Variants in STIM1 observed in about 807,000 individuals in gnomAD.
The protein encoded by STIM1 is stromal interaction molecule 1.
A neutral mutation model predicts 74.7 loss-of-function variants in STIM1; 25 were observed. That is an observed-to-expected ratio of 0.33 (90% confidence interval 0.24 to 0.47). The LOEUF is 0.47. Ranked by LOEUF, STIM1 falls within the 20% of genes least tolerant of loss-of-function variation. The pLI is 1.00. For synonymous variants in STIM1, 328 were observed against 348.8 expected (o/e 0.94, Z 0.66); for missense variants, 728 against 920.8 (o/e 0.79, Z 2.71).
intron 1 of STIM1, among the ~76,000 whole-genome samples, chr11:3,877,025 G>T (rs966657493): frequency 4.6e-5 from 7 of 152,094 alleles, no homozygotes; most frequent in African/African-American, 1.7e-4. Context: ...ATAGGACTAG[G>T]ATTAGCTGGT....
chr11:4,043,010 T>A (rs1471743718), intron 3 of STIM1, among the ~76,000 whole-genome samples: 3 of 152,116 alleles, frequency 2.0e-5, no homozygotes, highest in African/African-American at 7.2e-5. Flanking sequence ...AATAAATGCT[T>A]GTTGAATAGC....
chr11:4,066,023 A>G (rs921342509), intron 5 of STIM1, among the ~76,000 whole-genome samples: 3 of 152,134 alleles, frequency 2.0e-5, no homozygotes, highest in Non-Finnish European at 2.9e-5. Flanking sequence ...ATTACCCCTG[A>G]CTTTGTTAAC....
chr11:3,986,166 A>T (rs189612690), intron 2 of STIM1, among the ~76,000 whole-genome samples: 1 of 152,344 alleles, frequency 6.6e-6, no homozygotes, highest in East Asian at 1.9e-4. Context: ...GGCAAAAAAA[A>T]ATACATATTC....
chr11:3,916,111 A>G (rs1290387007), intron 1 of STIM1, among the ~76,000 whole-genome samples: 1 of 152,178 alleles, frequency 6.6e-6, no homozygotes, highest in Non-Finnish European at 1.5e-5. Context: ...TTTCAAAGCC[A>G]AGGTTATGAA....
chr11:3,895,608 C>T (rs1387332113), intron 1 of STIM1, among the ~76,000 whole-genome samples: 11 of 53,122 alleles, frequency 2.1e-4, no homozygotes, highest in Admixed American at 1.3e-3. Flanking sequence ...TTCTTTCTCT[C>T]TCTTTCTTTC....
intron 5 of STIM1, 109 bp downstream of exon 5, chr11:4,059,505 G>A: frequency 1.2e-6 from 1 of 816,076 alleles, no homozygotes. Flanking sequence ...CTGCAAGATA[G>A]CACCTATACT....
intron 1 of STIM1, among the ~76,000 whole-genome samples, chr11:3,876,266 A>C (rs757095690): frequency 2.0e-5 from 3 of 152,212 alleles, no homozygotes; most frequent in Non-Finnish European, 4.4e-5. Context: ...GGCTAGACCT[A>C]GGTAGGAAGA....
intron 2 of STIM1, among the ~76,000 whole-genome samples, chr11:4,001,864 T>G (rs1355758925): frequency 1.4e-5 from 2 of 138,738 alleles, no homozygotes; most frequent in East Asian, 4.1e-4. Flanking sequence ...GAGACACACA[T>G]AGGCTCAAAA....
chr11:3,875,079 C>G (rs2091264776), intron 1 of STIM1, among the ~76,000 whole-genome samples: 1 of 151,808 alleles, frequency 6.6e-6, no homozygotes, highest in Admixed American at 6.6e-5. Flanking sequence ...GCTCCCTGGA[C>G]TGGAGTGATA....
At chr11:3,963,040 A>G (rs2093304320) in intron 1 of STIM1, among the ~76,000 whole-genome samples, 2 of 152,214 alleles carry the variant, frequency 1.3e-5, no homozygotes, top group South Asian at 4.1e-4. Flanking sequence ...GCAGTTTGCA[A>G]AAGTTTTATG....
At chr11:4,043,219 C>G (rs1376035336) in intron 3 of STIM1, among the ~76,000 whole-genome samples, 4 of 152,028 alleles carry the variant, frequency 2.6e-5, no homozygotes, top group Non-Finnish European at 5.9e-5. Flanking sequence ...GTTTTTGTAG[C>G]TACCTCAGAA....
intron 5 of STIM1, among the ~76,000 whole-genome samples, chr11:4,064,820 A>G (rs1018638629): frequency 4.6e-5 from 7 of 152,164 alleles, no homozygotes; most frequent in Non-Finnish European, 1.0e-4. Flanking sequence ...TTTTCACTCT[A>G]CAGAGTTGGC....
chr11:3,855,571 C>G (rs1355476281), upstream of STIM1: 2 of 139,446 alleles, frequency 1.4e-5, no homozygotes, highest in African/African-American at 5.1e-5. Context: ...GGGGCTGGCC[C>G]GGGCTTCGCT....
chr11:3,905,014 G>T (rs1356405615), intron 1 of STIM1, among the ~76,000 whole-genome samples: 1 of 152,138 alleles, frequency 6.6e-6, no homozygotes, highest in East Asian at 1.9e-4. Context: ...GAGGAACTCT[G>T]ATATGTGTGG....
Position 4,092,115 on chromosome 11 carries a change from C to A in STIM1, c.*317C>A. On this transcript the variant is annotated 3_prime_UTR_variant, in exon 13 of 13. Coordinates refer to ENST00000526596, the MANE Select transcript of STIM1 (RefSeq NM_001382567.1). ...CACCTCTGGGGTTCAGCTTCTGTCTCTGCTGTCCCAGTTTTGAGGTTTGGT... is the reference window on the plus strand; with the variant it reads ...CACCTCTGGGGTTCAGCTTCTGTCTATGCTGTCCCAGTTTTGAGGTTTGGT... 1 of 435,096 alleles carries A rather than the reference C, an allele frequency of 2.3e-6. No individual in the cohort carries two copies. The highest frequency in any genetic ancestry group is 4.5e-5 in the East Asian group (1 of 21,994). 27.0% of individuals were successfully genotyped at this position (435,096 alleles called of 1,614,324 possible).
chr11:3,983,370 A>G (rs143338899), intron 2 of STIM1, among the ~76,000 whole-genome samples: 2 of 152,354 alleles, frequency 1.3e-5, no homozygotes, highest in African/African-American at 4.8e-5. Flanking sequence ...GGGGAGGTAT[A>G]GATGACTTTT....
At chr11:3,940,485 T>A (rs1168712814) in intron 1 of STIM1, among the ~76,000 whole-genome samples, 1 of 152,176 alleles carries the variant, frequency 6.6e-6, no homozygotes, top group Admixed American at 6.5e-5. Context: ...TCTGAACTAC[T>A]TTTTCCTTTT....
intron 2 of STIM1, among the ~76,000 whole-genome samples, chr11:3,972,478 C>T (rs537926401): frequency 6.6e-6 from 1 of 152,072 alleles, no homozygotes; most frequent in African/African-American, 2.4e-5. Flanking sequence ...TTTATAGACA[C>T]ATTTATTCAG....
intron 2 of STIM1, among the ~76,000 whole-genome samples, chr11:4,006,333 T>G (rs534256103): frequency 6.6e-6 from 1 of 152,226 alleles, no homozygotes; most frequent in Non-Finnish European, 1.5e-5. Context: ...GCTGCTATGC[T>G]TCCTGTACAG....
Sources: allele counts gnomAD v4.1 joint callset (sites outside exome capture counted in the v4.1 genomes callset), GRCh38; gene constraint gnomAD v4.1.1; transcripts MANE v1.5; gene names NCBI Gene and HGNC (gene_info 2026-07-23, HGNC 2026-07-21).